Variants in SMAD3 observed in about 807,000 individuals in gnomAD.
The protein encoded by SMAD3 is SMAD family member 3.
A neutral mutation model predicts 51.8 loss-of-function variants in SMAD3; 12 were observed. The observed-to-expected ratio is 0.23, with a 90% confidence interval of 0.15 to 0.38. SMAD3 has a LOEUF of 0.38. Ranked by LOEUF, SMAD3 falls within the 10% of genes least tolerant of loss-of-function variation. SMAD3 has a pLI of 1.00. For missense variants in SMAD3, 294 were observed against 565.6 expected (o/e 0.52, Z 4.87); for synonymous variants, 238 against 227.7 (o/e 1.05, Z -0.41).
chr15:67,148,400 T>G (rs989086524), intron 1 of SMAD3, among the ~76,000 whole-genome samples: 3 of 152,192 alleles, frequency 2.0e-5, no homozygotes, highest in African/African-American at 7.2e-5. Flanking sequence ...AATCCAACAC[T>G]TGATAAAAAT....
chr15:67,133,277 C>A (rs1200585498), intron 1 of SMAD3, among the ~76,000 whole-genome samples: 1 of 152,206 alleles, frequency 6.6e-6, no homozygotes, highest in Non-Finnish European at 1.5e-5. Flanking sequence ...ATCTCTCTCT[C>A]CTGGCCAGAG....
intron 5 of SMAD3, among the ~76,000 whole-genome samples, chr15:67,177,629 G>T (rs1307883692): frequency 2.0e-5 from 3 of 152,074 alleles, no homozygotes; most frequent in Non-Finnish European, 4.4e-5. Flanking sequence ...CGCCAGGTTG[G>T]CCAGGCTGGT....
chr15:67,154,020 T>C (rs1288262324), intron 1 of SMAD3, among the ~76,000 whole-genome samples: 4 of 152,218 alleles, frequency 2.6e-5, no homozygotes, highest in Non-Finnish European at 4.4e-5. Context: ...GCAAGGTGTT[T>C]CTTGGCTTCC....
At chr15:67,108,776 G>A (rs1028858041) in intron 1 of SMAD3, among the ~76,000 whole-genome samples, 3 of 152,084 alleles carry the variant, frequency 2.0e-5, no homozygotes, top group African/African-American at 4.8e-5. Flanking sequence ...GTTCTAAAAC[G>A]GAGCATTTGG....
chr15:67,093,299 T>C (rs1479808906), intron 1 of SMAD3, among the ~76,000 whole-genome samples: 1 of 152,198 alleles, frequency 6.6e-6, no homozygotes, highest in East Asian at 1.9e-4. Flanking sequence ...AAAACTGCCT[T>C]GAACACCTTA....
At chr15:67,084,566 T>C (rs962533327) in intron 1 of SMAD3, among the ~76,000 whole-genome samples, 2 of 152,192 alleles carry the variant, frequency 1.3e-5, no homozygotes, top group Non-Finnish European at 2.9e-5. Context: ...TCATCACATA[T>C]TTACTGAGCT....
At position 67,190,340 on chromosome 15, in the gene SMAD3, A is replaced by AGCTTTCTG; in HGVS notation, c.1155-72_1155-65dup. 1.4e-6 allele frequency: 2 copies of AGCTTTCTG among 1,400,780 alleles called. 1 individual carries two copies. Among genetic ancestry groups the AGCTTTCTG allele is most frequent in the South Asian group, 2.3e-5 (2 of 86,610 alleles). The allele number at this position is 1,400,780 out of a possible 1,614,324, so 86.8% of individuals were successfully genotyped here. On this transcript the variant is annotated intron_variant, in intron 8 of 8. Transcript: ENST00000327367. ...AGATGACTGTCACCAAAGCAGAAAA[A>AGCTTTCTG]GCTTTCTGACTTGTGTAACCCCCTG...
intron 7 of SMAD3, 64 bp downstream of exon 7, chr15:67,184,928 G>A (rs1567002158): frequency 1.3e-6 from 2 of 1,594,172 alleles, no homozygotes; most frequent in African/African-American, 1.3e-5. Flanking sequence ...CTAGGATGCT[G>A]GAGAGAGTCC....
Position 67,184,750 on chromosome 15 carries a change from A to G in SMAD3, c.895A>G (p.Ile299Val). 2.5e-6 allele frequency: 4 copies of G among 1,614,074 alleles called. No individual in the cohort carries two copies. The highest frequency in any genetic ancestry group is 3.4e-6 in the Non-Finnish European group (4 of 1,180,032). The change falls in exon 7 of 9, where the codon ATC becomes GTC. Residue 299 changes from isoleucine (I) to valine (V), a missense_variant. By Grantham distance (29) the Ile-to-Val change is conservative. Transcript: ENST00000327367. Reference sequence around the variant, plus strand: ...AGGAAGAGGCGTGCGGCTCTACTACATCGGAGGGGAGGTCTTCGCAGAGTG... The same window carrying G: ...AGGAAGAGGCGTGCGGCTCTACTACGTCGGAGGGGAGGTCTTCGCAGAGTG... ...HIGRGVRLYY[I>V]GGEVFAECLS...
chr15:67,142,122 C>CT (rs1194689827), intron 1 of SMAD3, among the ~76,000 whole-genome samples: 2 of 151,780 alleles, frequency 1.3e-5, no homozygotes, highest in Non-Finnish European at 2.9e-5. Flanking sequence ...ATCCCCCGCT[C>CT]TTTTACCCCC....
intron 1 of SMAD3, among the ~76,000 whole-genome samples, chr15:67,119,093 C>T (rs1031540563): frequency 2.0e-5 from 3 of 150,412 alleles, no homozygotes; most frequent in Non-Finnish European, 4.4e-5. Flanking sequence ...AGGATATGAG[C>T]GTAGAATGAG....
At chr15:67,144,254 G>A (rs942047953) in intron 1 of SMAD3, among the ~76,000 whole-genome samples, 12 of 151,996 alleles carry the variant, frequency 7.9e-5, no homozygotes, top group African/African-American at 2.7e-4. Flanking sequence ...CATACTATAT[G>A]TATGACTTTT....
rs1015154750 is a variant in SMAD3 at position 67,132,386 on chromosome 15, G to A, written c.207-32509G>A. On this transcript the variant is annotated intron_variant, in intron 1 of 8. Coordinates refer to ENST00000327367, the MANE Select transcript of SMAD3 (RefSeq NM_005902.4). ...AGGAACATTGCCCCATCTCCACCCCGGGAATCTATATGCCCCTCCCATAGG... is the reference window on the plus strand; with the variant it reads ...AGGAACATTGCCCCATCTCCACCCCAGGAATCTATATGCCCCTCCCATAGG... 2.6e-5 allele frequency among the ~76,000 whole-genome samples: 4 copies of A among 152,110 alleles called. No individual in the cohort carries two copies. The East Asian group carries it at 5.8e-4, about 22-fold the overall frequency.
At chr15:67,114,393 C>T (rs1050563179) in intron 1 of SMAD3, among the ~76,000 whole-genome samples, 1 of 152,176 alleles carries the variant, frequency 6.6e-6, no homozygotes, top group African/African-American at 2.4e-5. Flanking sequence ...AGAGGCCCAC[C>T]CAGATAGCTC....
intron 1 of SMAD3, among the ~76,000 whole-genome samples, chr15:67,114,684 C>T (rs1195098217): frequency 6.6e-6 from 1 of 152,136 alleles, no homozygotes; most frequent in Non-Finnish European, 1.5e-5. Flanking sequence ...AGAATCTTGA[C>T]TTTGACTTCA....
At position 67,165,834 on chromosome 15, in the gene SMAD3, G is replaced by A. The variant is rs529082462; in HGVS notation, c.532+450G>A. Reference sequence around the variant, plus strand: ...GCCTCGGTGAGGGGCTCCAACCTGGGTGGGAATTGAAGTGACTTTGAGTTT... The same window carrying A: ...GCCTCGGTGAGGGGCTCCAACCTGGATGGGAATTGAAGTGACTTTGAGTTT... On this transcript the variant is annotated intron_variant, in intron 3 of 8. Transcript: ENST00000327367. 3.3e-5 allele frequency among the ~76,000 whole-genome samples: 5 copies of A among 152,354 alleles called. No individual in the cohort carries two copies. In the East Asian group the frequency reaches 9.6e-4, roughly 29 times the overall value.
chr15:67,090,307 T>C lies in SMAD3; in HGVS notation c.206+23947T>C, dbSNP rs138109583. On this transcript the variant is annotated intron_variant, in intron 1 of 8. Transcript: ENST00000327367. ...CAAAAATCCCAACTTTCCTGCTGAG[T>C]AGCTCATGAGACAGGCATTTCACCT... is the stretch of plus-strand genomic sequence containing the variant. 6.6e-5 allele frequency among the ~76,000 whole-genome samples: 10 copies of C among 152,210 alleles called. No individual in the cohort carries two copies. In the East Asian group the frequency reaches 1.9e-3, roughly 29 times the overall value.
chr15:67,082,290 G>C (rs1960295294), intron 1 of SMAD3, among the ~76,000 whole-genome samples: 1 of 152,156 alleles, frequency 6.6e-6, no homozygotes, highest in African/African-American at 2.4e-5. Flanking sequence ...GCCATGCCCA[G>C]GGCCACACAT....
chr15:67,101,380 T>C (rs1484169473), intron 1 of SMAD3, among the ~76,000 whole-genome samples: 3 of 152,222 alleles, frequency 2.0e-5, no homozygotes, highest in Middle Eastern at 3.2e-3. Context: ...TATTTACGTA[T>C]GGGAGTCAAT....
Sources: gnomAD v4.1 joint callset for allele counts (sites outside exome capture counted in the v4.1 genomes callset) on GRCh38, gnomAD v4.1.1 for gene constraint, MANE v1.5 for transcripts, NCBI Gene and HGNC (gene_info 2026-07-23, HGNC 2026-07-21) for gene names.